FRMPD3: variants seen among roughly 807,000 people sequenced by gnomAD.
The protein encoded by FRMPD3 is FERM and PDZ domain containing 3.
A neutral mutation model predicts 97.9 loss-of-function variants in FRMPD3; 42 were observed. The ratio of observed to expected loss-of-function variants is 0.43; its 90% CI spans 0.34 to 0.55. The LOEUF (loss-of-function observed/expected upper bound fraction) is 0.55, where lower values mean the gene tolerates loss of function less well. Among genes scored for constraint, FRMPD3 ranks in the 20% least tolerant of loss-of-function variants. The pLI, the probability that FRMPD3 is intolerant of heterozygous loss-of-function variation, is 0.03. For synonymous variants in FRMPD3, 577 were observed against 581.1 expected (o/e 0.99, Z 0.10); for missense variants, 1,303 against 1,457.7 (o/e 0.89, Z 1.73).
chrX:107,485,657 C>T (rs1019665258), intron 1 of FRMPD3, among the ~76,000 whole-genome samples: 2 of 111,869 alleles, frequency 1.8e-5, no homozygotes, highest in African/African-American at 6.5e-5. Flanking sequence ...TTAGCTCCTG[C>T]CCCTGAGTAA....
At chrX:107,541,004 G>A (rs183361432) in intron 4 of FRMPD3, among the ~76,000 whole-genome samples, 2 of 112,804 alleles carry the variant, frequency 1.8e-5, no homozygotes, top group East Asian at 5.6e-4. Context: ...GGCTTTGCAG[G>A]CCATATGTGG....
At chrX:107,485,366 A>G (rs937725027) in intron 1 of FRMPD3, among the ~76,000 whole-genome samples, 2 of 112,292 alleles carry the variant, frequency 1.8e-5, no homozygotes, top group Non-Finnish European at 3.8e-5. Context: ...CTCTGGGGAA[A>G]AGATTGAGGC....
intron 1 of FRMPD3, among the ~76,000 whole-genome samples, chrX:107,497,225 T>C (rs1318064921): frequency 8.8e-6 from 1 of 113,150 alleles, no homozygotes; most frequent in Non-Finnish European, 1.9e-5. Flanking sequence ...GGTTTTATTT[T>C]AGGAAGCTGA....
chrX:107,573,188 C>T (rs1369982253), intron 12 of FRMPD3, among the ~76,000 whole-genome samples: 1 of 111,824 alleles, frequency 8.9e-6, no homozygotes, highest in Admixed American at 9.5e-5. Context: ...TCTCAGCACA[C>T]AGGCCACCCA....
chrX:107,514,849 C>T (rs928819877), intron 1 of FRMPD3, among the ~76,000 whole-genome samples: 1 of 110,592 alleles, frequency 9.0e-6, no homozygotes, highest in Non-Finnish European at 1.9e-5. Flanking sequence ...TAGGTGACAG[C>T]TGACAATACT....
chrX:107,472,265 G>A (rs1921082702), intron 1 of FRMPD3, among the ~76,000 whole-genome samples: 1 of 111,369 alleles, frequency 9.0e-6, no homozygotes, highest in Non-Finnish European at 1.9e-5. Flanking sequence ...TCTGATGATC[G>A]TTTCTTTTGC....
At chrX:107,525,677 G>A (rs908212934) in intron 1 of FRMPD3, 1 of 558,558 alleles carries the variant, frequency 1.8e-6, no homozygotes, top group Admixed American at 2.2e-5. Flanking sequence ...GAAAGAAGTT[G>A]GCATTATGGA....
chrX:107,501,628 A>G (rs1240775187), intron 1 of FRMPD3, among the ~76,000 whole-genome samples: 1 of 102,441 alleles, frequency 9.8e-6, no homozygotes, highest in Non-Finnish European at 2.0e-5. Flanking sequence ...ATACTGACAT[A>G]GGGGCCTGAC....
At chrX:107,506,749 G>A (rs972264540) in intron 1 of FRMPD3, among the ~76,000 whole-genome samples, 1 of 112,273 alleles carries the variant, frequency 8.9e-6, no homozygotes, top group African/African-American at 3.2e-5. Context: ...GGCAGCAGAC[G>A]CCGTGTTTAC....
At chrX:107,597,257 C>T in intron 13 of FRMPD3, 64 bp from the exon 14 acceptor site, 3 of 981,037 alleles carry the variant, frequency 3.1e-6, no homozygotes, top group Non-Finnish European at 4.2e-6. Flanking sequence ...CCAGAGACAA[C>T]AAGGGAGCTC....
At chrX:107,488,885 G>A (rs187062964) in intron 1 of FRMPD3, among the ~76,000 whole-genome samples, 2,087 of 108,759 alleles carry the variant, frequency 0.019, 44 homozygotes, top group African/African-American at 0.066. Context: ...TGCACAACGC[G>A]CAGGTTTGTT....
chrX:107,512,192 G>C (rs1280812048), intron 1 of FRMPD3, among the ~76,000 whole-genome samples: 1 of 110,434 alleles, frequency 9.1e-6, no homozygotes, highest in East Asian at 2.9e-4. Flanking sequence ...CCCCATCTGT[G>C]AGATGGGGAG....
intron 8 of FRMPD3, among the ~76,000 whole-genome samples, chrX:107,557,693 G>GTT (rs1376839062): frequency 6.0e-5 from 5 of 83,385 alleles, no homozygotes; most frequent in African/African-American, 1.1e-4. Context: ...GTGTGTGTGT[G>GTT]TTTTTTTTTG....
In FRMPD3 at chrX:107,597,971, C is replaced by G; in HGVS notation, c.2092C>G (p.Arg698Gly). 4 of 1,210,753 alleles carry G rather than the reference C, an allele frequency of 3.3e-6. No individual in the cohort carries two copies. Among genetic ancestry groups the G allele is most frequent in the Non-Finnish European group, 4.5e-6 (4 of 895,430 alleles). ...GAGCCAGGAACAAGGACGCCACCTG[C>G]GTGGGCTTCTGTACGATGAGATTCC... ...VQSQEQGRHLRGLLYDEIPVT... is the reference protein window; with the variant it reads ...VQSQEQGRHLGGLLYDEIPVT... Residue 698 changes from arginine to glycine, a missense_variant, in exon 14 of 15, where the codon CGT (arginine) becomes GGT (glycine). This residue lies in a region of FRMPD3 where 535 missense variants were observed against 618.6 expected (regional missense o/e 0.86). Coordinates refer to ENST00000683843, the MANE Select transcript of FRMPD3 (RefSeq NM_001388459.1).
intron 4 of FRMPD3, among the ~76,000 whole-genome samples, chrX:107,537,308 A>G (rs1921029159): frequency 9.0e-6 from 1 of 111,414 alleles, no homozygotes; most frequent in African/African-American, 3.3e-5. Flanking sequence ...TTTTTCATTC[A>G]CTCATCAAGC....
intron 1 of FRMPD3, among the ~76,000 whole-genome samples, chrX:107,518,729 C>T (rs1170716545): frequency 8.9e-6 from 1 of 112,245 alleles, no homozygotes; most frequent in Non-Finnish European, 1.9e-5. Flanking sequence ...AGCAGTTCCA[C>T]TTCTAGGTAT....
chrX:107,471,762 C>G (rs890582706), intron 1 of FRMPD3, among the ~76,000 whole-genome samples: 1 of 112,048 alleles, frequency 8.9e-6, no homozygotes, highest in African/African-American at 3.2e-5. Flanking sequence ...AATAAACATA[C>G]GTGTGCATGT....
intron 1 of FRMPD3, among the ~76,000 whole-genome samples, chrX:107,464,276 C>G (rs1045774795): frequency 2.7e-5 from 3 of 111,563 alleles, no homozygotes; most frequent in Non-Finnish European, 5.6e-5. Context: ...GTTGGCAGCC[C>G]CTTTAAAATA....
At chrX:107,548,363 C>T (rs977321618) in intron 5 of FRMPD3, among the ~76,000 whole-genome samples, 3 of 112,155 alleles carry the variant, frequency 2.7e-5, no homozygotes. Flanking sequence ...TCAATGAATG[C>T]CCAGTGAATT....
Sources: allele counts gnomAD v4.1 joint callset (sites outside exome capture counted in the v4.1 genomes callset), GRCh38; gene constraint gnomAD v4.1.1; regional missense constraint gnomAD v4.1.1; transcripts MANE v1.5; gene names NCBI Gene and HGNC (gene_info 2026-07-23, HGNC 2026-07-21).